The following SEMA3E variants were observed in gnomAD, a reference collection of about 807,000 sequenced individuals.
SEMA3E encodes semaphorin-3E.
In SEMA3E, 49 loss-of-function variants were observed where a neutral mutation model predicts 93.6. The ratio of observed to expected loss-of-function variants is 0.52; its 90% CI spans 0.42 to 0.66. The LOEUF (loss-of-function observed/expected upper bound fraction) is 0.66, where lower values mean the gene tolerates loss of function less well. Ranked by LOEUF, SEMA3E falls within the 30% of genes least tolerant of loss-of-function variation. The pLI is 0.00. For synonymous variants in SEMA3E, 363 were observed against 330.7 expected, an observed-to-expected ratio of 1.10 and a Z score of -1.06; for missense variants, 906 against 964.8, an observed-to-expected ratio of 0.94 and a Z score of 0.81.
chr7:83,434,028 A>T (rs940471571), intron 4 of SEMA3E, among the ~76,000 whole-genome samples: 1 of 152,032 alleles, frequency 6.6e-6, no homozygotes, highest in Non-Finnish European at 1.5e-5. Flanking sequence ...TAGAAACTAT[A>T]TTTTTCATAT....
chr7:83,418,348 T>A, intron 5 of SEMA3E, 42 bp downstream of exon 5: 2 of 1,355,518 alleles, frequency 1.5e-6, no homozygotes, highest in South Asian at 1.2e-5. Flanking sequence ...TGTTTTAAAA[T>A]CCTTATGACT....
intron 16 of SEMA3E, among the ~76,000 whole-genome samples, chr7:83,382,158 A>T (rs2116911973): frequency 6.6e-6 from 1 of 152,166 alleles, no homozygotes; most frequent in Middle Eastern, 3.4e-3. Context: ...TGATTTCAGA[A>T]GATTTTGTGT....
At chr7:83,539,855 C>CTGTGTATGTG (rs1791482632) in intron 1 of SEMA3E, among the ~76,000 whole-genome samples, 1 of 122,696 alleles carries the variant, frequency 8.2e-6, no homozygotes, top group Non-Finnish European at 1.7e-5. Context: ...TTTGTTGTTT[C>CTGTGTATGTG]TGTGTGTGTG....
At chr7:83,430,149 CT>C (rs1436071073) in intron 4 of SEMA3E, among the ~76,000 whole-genome samples, 1 of 152,062 alleles carries the variant, frequency 6.6e-6, no homozygotes, top group Non-Finnish European at 1.5e-5. Context: ...AAAATAGACT[CT>C]AATTGTCAAT....
chr7:83,496,975 T>C (rs1332456375), intron 1 of SEMA3E, among the ~76,000 whole-genome samples: 1 of 152,052 alleles, frequency 6.6e-6, no homozygotes, highest in Non-Finnish European at 1.5e-5. Context: ...AAAAATAACA[T>C]GAATTGCTTG....
intron 5 of SEMA3E, among the ~76,000 whole-genome samples, chr7:83,414,000 T>C (rs1437498046): frequency 6.6e-6 from 1 of 152,290 alleles, no homozygotes; most frequent in Non-Finnish European, 1.5e-5. Flanking sequence ...CCTCAGAGAC[T>C]AGCAGTCATG....
chr7:83,591,121 A>AC (rs1554341482), intron 1 of SEMA3E, among the ~76,000 whole-genome samples: 50 of 143,048 alleles, frequency 3.5e-4, no homozygotes, highest in African/African-American at 1.5e-3. Context: ...AAAAAAAAAA[A>AC]ACAAGAGGAA....
intron 1 of SEMA3E, among the ~76,000 whole-genome samples, chr7:83,595,062 G>A (rs1187102436): frequency 6.6e-6 from 1 of 151,954 alleles, no homozygotes; most frequent in Non-Finnish European, 1.5e-5. Flanking sequence ...TCACCAGGTT[G>A]AGGGTAAAGC....
chr7:83,486,787 C>T (rs1231201602), intron 2 of SEMA3E, among the ~76,000 whole-genome samples: 1 of 152,096 alleles, frequency 6.6e-6, no homozygotes, highest in African/African-American at 2.4e-5. Flanking sequence ...CCTGCCCAGA[C>T]TGGCACCTGA....
At chr7:83,634,959 G>A (rs557879263) in intron 1 of SEMA3E, among the ~76,000 whole-genome samples, 9 of 152,014 alleles carry the variant, frequency 5.9e-5, no homozygotes, top group East Asian at 5.8e-4. Flanking sequence ...TATAATTTAC[G>A]TTTTGATTAT....
At chr7:83,558,461 T>C (rs1387029546) in intron 1 of SEMA3E, among the ~76,000 whole-genome samples, 7 of 152,166 alleles carry the variant, frequency 4.6e-5, no homozygotes, top group Non-Finnish European at 1.5e-5. Context: ...AGCATTTATT[T>C]AGTAATTTCT....
At chr7:83,625,823 G>C (rs1562860740) in intron 1 of SEMA3E, among the ~76,000 whole-genome samples, 1 of 151,906 alleles carries the variant, frequency 6.6e-6, no homozygotes, top group East Asian at 1.9e-4. Flanking sequence ...GCCCATCCAT[G>C]ATGATACTGG....
At chr7:83,439,322 G>A (rs1346336509) in intron 4 of SEMA3E, among the ~76,000 whole-genome samples, 1 of 152,186 alleles carries the variant, frequency 6.6e-6, no homozygotes, top group East Asian at 1.9e-4. Context: ...ACAGCTGCGA[G>A]GGAAAGGACG....
intron 1 of SEMA3E, among the ~76,000 whole-genome samples, chr7:83,599,482 G>A (rs1028973716): frequency 6.6e-6 from 1 of 152,200 alleles, no homozygotes; most frequent in Admixed American, 6.5e-5. Context: ...CTCCAAAGTT[G>A]ACTTGTAGCC....
At chr7:83,450,349 T>A (rs2115816781) in intron 4 of SEMA3E, among the ~76,000 whole-genome samples, 1 of 152,252 alleles carries the variant, frequency 6.6e-6, no homozygotes, top group African/African-American at 2.4e-5. Flanking sequence ...ACAGCACAAT[T>A]GCTATAAACA....
At chr7:83,493,736 C>T (rs1239889310) in intron 1 of SEMA3E, among the ~76,000 whole-genome samples, 3 of 151,860 alleles carry the variant, frequency 2.0e-5, no homozygotes, top group South Asian at 2.1e-4. Context: ...AAAATCATAG[C>T]ACTAACTAGA....
intron 1 of SEMA3E, among the ~76,000 whole-genome samples, chr7:83,519,028 A>T (rs1323076076): frequency 6.6e-6 from 1 of 151,868 alleles, no homozygotes; most frequent in Non-Finnish European, 1.5e-5. Context: ...TGTGCAGGTT[A>T]GTTACATATG....
intron 4 of SEMA3E, among the ~76,000 whole-genome samples, chr7:83,455,968 G>T (rs1414677813): frequency 2.0e-5 from 3 of 152,214 alleles, no homozygotes; most frequent in African/African-American, 7.2e-5. Context: ...CTTTAGCAGA[G>T]GAGCCAACTA....
At chr7:83,408,323 A>G (rs1788365355) in intron 6 of SEMA3E, 45 bp downstream of exon 6, 1 of 1,611,858 alleles carries the variant, frequency 6.2e-7, no homozygotes, top group Non-Finnish European at 8.5e-7. Context: ...TAAGTTTTAG[A>G]GTTGATTTCA....
Sources: allele counts gnomAD v4.1 joint callset (sites outside exome capture counted in the v4.1 genomes callset), GRCh38; gene constraint gnomAD v4.1.1; transcripts MANE v1.5; gene names NCBI Gene and HGNC (gene_info 2026-07-23, HGNC 2026-07-21).